Variants in PRIM2 observed in about 807,000 individuals in gnomAD.
The protein encoded by PRIM2 is DNA primase large subunit.
In PRIM2, 39 loss-of-function variants were observed where a neutral mutation model predicts 67.3. That is an observed-to-expected ratio of 0.58 (90% CI 0.45 to 0.76). The LOEUF is 0.76. Ranked by LOEUF, PRIM2 falls within the 30% of genes least tolerant of loss-of-function variation. The probability of loss-of-function intolerance (pLI) is 0.00; values close to 1 mark genes in which losing one functional copy is unlikely to be tolerated. For synonymous variants in PRIM2, 143 were observed against 198.7 expected (o/e 0.72, Z 2.36); for missense variants, 398 against 598.7 (o/e 0.66, Z 3.50).
chr6:57,378,219 C>T (rs1769836573), intron 5 of PRIM2, among the ~76,000 whole-genome samples: 3 of 151,916 alleles, frequency 2.0e-5, no homozygotes, highest in Admixed American at 6.6e-5. Context: ...TACCACCATA[C>T]CTGGCTAATG....
At chr6:57,549,907 G>A (rs1461437814) in intron 10 of PRIM2, among the ~76,000 whole-genome samples, 1 of 152,120 alleles carries the variant, frequency 6.6e-6, no homozygotes, top group South Asian at 2.1e-4. Flanking sequence ...CCAACATGGA[G>A]AAACCCTGTC....
intron 5 of PRIM2, among the ~76,000 whole-genome samples, chr6:57,358,989 T>G (rs1293730576): frequency 6.6e-6 from 1 of 152,234 alleles, no homozygotes; most frequent in Admixed American, 6.5e-5. Flanking sequence ...AAGTGTACAG[T>G]TCTTTGTCAT....
chr6:57,469,136 T>C (rs1773276154), intron 7 of PRIM2, among the ~76,000 whole-genome samples: 1 of 152,210 alleles, frequency 6.6e-6, no homozygotes, highest in African/African-American at 2.4e-5. Context: ...TTGCTGATAA[T>C]TGATATTCTG....
At chr6:57,389,774 A>G (rs1333508313) in intron 7 of PRIM2, among the ~76,000 whole-genome samples, 5 of 152,114 alleles carry the variant, frequency 3.3e-5, no homozygotes, top group Admixed American at 1.3e-4. Context: ...TCCTCTTTTT[A>G]AAAGTAGTGT....
chr6:57,586,703 C>G (rs1330855318), intron 10 of PRIM2, among the ~76,000 whole-genome samples: 5 of 152,304 alleles, frequency 3.3e-5, no homozygotes, highest in African/African-American at 1.2e-4. Flanking sequence ...AAAGGAAGCA[C>G]AGTACCCTCA....
intron 7 of PRIM2, among the ~76,000 whole-genome samples, chr6:57,496,625 G>T (rs1554346407): frequency 6.6e-6 from 1 of 152,068 alleles, no homozygotes; most frequent in African/African-American, 2.4e-5. Flanking sequence ...CTAGATAAGC[G>T]TTTATTATCT....
At chr6:57,618,812 A>G (rs1359410410) in intron 12 of PRIM2, among the ~76,000 whole-genome samples, 1 of 118,078 alleles carries the variant, frequency 8.5e-6, no homozygotes, top group African/African-American at 3.2e-5. Flanking sequence ...GCATAGCCCC[A>G]CCCCCACCTG....
At position 57,323,723 on chromosome 6, in the gene PRIM2, G is replaced by A. The variant is rs932584390; in HGVS notation, c.259-478G>A. Among the ~76,000 whole-genome samples, 8 of 151,424 alleles carry A rather than the reference G, an allele frequency of 5.3e-5. No individual in the cohort carries two copies. The South Asian group carries it at 1.1e-3, about 20-fold the overall frequency. ...CGGGCAGCAAACCACCATGGCACAC[G>A]TATACCTATGTAACAAACCTGCACA... is the stretch of plus-strand genomic sequence containing the variant. On this transcript the variant is annotated intron_variant, in intron 3 of 13. Coordinates refer to ENST00000615550, the MANE Select transcript of PRIM2 (RefSeq NM_000947.5).
chr6:57,292,611 A>G, the PRIM2 span, among the ~76,000 whole-genome samples: 1 of 152,236 alleles, frequency 6.6e-6, no homozygotes, highest in Non-Finnish European at 1.5e-5. Context: ...AGAAGGCTAC[A>G]GTAACCAAAA....
intron 10 of PRIM2, among the ~76,000 whole-genome samples, chr6:57,541,605 G>A (rs1775155474): frequency 6.6e-6 from 1 of 152,148 alleles, no homozygotes; most frequent in Non-Finnish European, 1.5e-5. Flanking sequence ...GGTGAGGGGT[G>A]GAGGTTGTTG....
At chr6:57,546,453 C>T (rs1168239020) in intron 10 of PRIM2, among the ~76,000 whole-genome samples, 8 of 151,814 alleles carry the variant, frequency 5.3e-5, no homozygotes, top group Middle Eastern at 3.4e-3. Context: ...ATGGGTTAGT[C>T]GAGAAAGAAA....
chr6:57,409,663 C>G (rs1476182340), intron 7 of PRIM2, among the ~76,000 whole-genome samples: 26 of 152,312 alleles, frequency 1.7e-4, no homozygotes, highest in African/African-American at 5.5e-4. Flanking sequence ...TTTAATCATT[C>G]TAATGGATGT....
chr6:57,420,938 T>C (rs1275816298), intron 7 of PRIM2, among the ~76,000 whole-genome samples: 2 of 152,206 alleles, frequency 1.3e-5, no homozygotes, highest in East Asian at 3.8e-4. Flanking sequence ...TAGTGACAGT[T>C]ATTCAAGGTT....
intron 7 of PRIM2, among the ~76,000 whole-genome samples, chr6:57,403,379 C>T (rs1488151834): frequency 6.6e-6 from 1 of 151,572 alleles, no homozygotes; most frequent in Non-Finnish European, 1.5e-5. Context: ...GCCTCAGCCT[C>T]CCTAGTAGCT....
chr6:57,374,303 A>ATTTAT (rs1554331462), intron 5 of PRIM2, among the ~76,000 whole-genome samples: 1 of 139,790 alleles, frequency 7.2e-6, no homozygotes, highest in African/African-American at 2.6e-5. Context: ...TTATTTATTT[A>ATTTAT]TTTTTTTTGA....
the PRIM2 span, among the ~76,000 whole-genome samples, chr6:57,250,530 A>G: frequency 6.6e-6 from 1 of 152,242 alleles, no homozygotes; most frequent in African/African-American, 2.4e-5. Flanking sequence ...GAAAAACATG[A>G]TGACGTAATT....
intron 5 of PRIM2, among the ~76,000 whole-genome samples, chr6:57,339,548 G>A (rs1212019348): frequency 1.3e-5 from 2 of 151,976 alleles, no homozygotes; most frequent in South Asian, 2.1e-4. Flanking sequence ...CAGAAATAAC[G>A]CTGCATATCT....
At chr6:57,329,552 G>A (rs1198194506) in intron 5 of PRIM2, among the ~76,000 whole-genome samples, 1 of 152,020 alleles carries the variant, frequency 6.6e-6, no homozygotes, top group Non-Finnish European at 1.5e-5. Context: ...ACTGAATCAT[G>A]GGGGCAATCT....
the PRIM2 span, among the ~76,000 whole-genome samples, chr6:57,248,525 G>A: frequency 2.0e-5 from 3 of 152,186 alleles, no homozygotes; most frequent in African/African-American, 7.2e-5. Context: ...GAGTGGGATT[G>A]AGCAACTGGC....
Sources: gnomAD v4.1 joint callset for allele counts (sites outside exome capture counted in the v4.1 genomes callset) on GRCh38, gnomAD v4.1.1 for gene constraint, MANE v1.5 for transcripts, NCBI Gene and HGNC (gene_info 2026-07-23, HGNC 2026-07-21) for gene names.